Variants in AFF2 observed in about 807,000 individuals in gnomAD.
AFF2 encodes the protein ALF transcription elongation factor 2.
Under a neutral mutation model 76.9 loss-of-function variants are expected in AFF2, and 14 were observed. The ratio of observed to expected loss-of-function variants is 0.18; its 90% CI spans 0.12 to 0.28. The LOEUF is 0.28. Ranked by LOEUF, AFF2 falls within the 10% of genes least tolerant of loss-of-function variation. The pLI is 1.00. For synonymous variants in AFF2, 398 were observed against 366.7 expected (o/e 1.09, Z -0.98); for missense variants, 868 against 1,001.1 (o/e 0.87, Z 1.79).
intron 11 of AFF2, among the ~76,000 whole-genome samples, chrX:148,956,850 T>C (rs2072047863): frequency 8.8e-6 from 1 of 113,054 alleles, no homozygotes; most frequent in African/African-American, 3.2e-5. Context: ...TTATGATGTG[T>C]AGGAAAGAAA....
At chrX:148,708,456 A>T (rs2054914515) in intron 3 of AFF2, among the ~76,000 whole-genome samples, 1 of 112,160 alleles carries the variant, frequency 8.9e-6, no homozygotes, top group Non-Finnish European at 1.9e-5. Flanking sequence ...AGCAACAAAA[A>T]AATCCCCAGC....
At chrX:148,650,559 C>CA (rs2054193622) in intron 1 of AFF2, among the ~76,000 whole-genome samples, 1 of 112,030 alleles carries the variant, frequency 8.9e-6, no homozygotes. Context: ...GTGTAATGTG[C>CA]ATTTAAACAT....
At chrX:148,590,227 C>T (rs1231960236) in intron 1 of AFF2, among the ~76,000 whole-genome samples, 1 of 109,047 alleles carries the variant, frequency 9.2e-6, no homozygotes, top group Non-Finnish European at 1.9e-5. Flanking sequence ...CAGCCATTGG[C>T]TGTTAGAAAA....
chrX:148,904,773 C>T (rs1220391578), intron 9 of AFF2, among the ~76,000 whole-genome samples: 1 of 111,960 alleles, frequency 8.9e-6, no homozygotes, highest in Non-Finnish European at 1.9e-5. Flanking sequence ...TAACAGAAAG[C>T]AATTCCCAAG....
intron 1 of AFF2, among the ~76,000 whole-genome samples, chrX:148,521,949 A>G (rs782495139): frequency 8.9e-6 from 1 of 112,049 alleles, no homozygotes; most frequent in Non-Finnish European, 1.9e-5. Flanking sequence ...TACCATTGCC[A>G]GATTAGGGCA....
At chrX:148,922,516 C>T (rs966194568) in intron 9 of AFF2, among the ~76,000 whole-genome samples, 3 of 111,902 alleles carry the variant, frequency 2.7e-5, no homozygotes, top group Non-Finnish European at 5.6e-5. Flanking sequence ...AATGCAGCAC[C>T]ATTTGGTCTT....
intron 1 of AFF2, among the ~76,000 whole-genome samples, chrX:148,602,522 A>T (rs1437195879): frequency 9.0e-6 from 1 of 111,077 alleles, no homozygotes; most frequent in East Asian, 2.8e-4. Flanking sequence ...TTTCTAGGTG[A>T]GAGTTGATTC....
intron 3 of AFF2, among the ~76,000 whole-genome samples, chrX:148,689,644 T>C (rs1236640931): frequency 8.9e-6 from 1 of 111,905 alleles, no homozygotes; most frequent in Non-Finnish European, 1.9e-5. Flanking sequence ...TGAACAGATG[T>C]CTTTTGGTAA....
rs1241888791 is a variant in AFF2 at position 148,787,078 on chromosome X, A to G, written c.1042-22798A>G. ...TATTACTCAAATTTTTGCTGAGTAA[A>G]CTAACGAACAAATAATGTCTGTAGG... On this transcript the variant is annotated intron_variant, in intron 3 of 20. Transcript: ENST00000370460. Among the ~76,000 whole-genome samples, 3 of 112,680 alleles carry G rather than the reference A, an allele frequency of 2.7e-5. No individual in the cohort carries two copies. The East Asian group carries it at 8.3e-4, about 31-fold the overall frequency.
chrX:148,762,480 A>ATGTGTGTGTGTGTG (rs144985699), intron 3 of AFF2, among the ~76,000 whole-genome samples: 3 of 92,560 alleles, frequency 3.2e-5, no homozygotes, highest in Non-Finnish European at 6.2e-5. Flanking sequence ...ACATATGTAT[A>ATGTGTGTGTGTGTG]TGTGTGTGTG....
At chrX:148,962,290 T>C (rs1418421086) in intron 12 of AFF2, among the ~76,000 whole-genome samples, 3 of 112,630 alleles carry the variant, frequency 2.7e-5, no homozygotes, top group Non-Finnish European at 5.6e-5. Flanking sequence ...GTGCCATTTA[T>C]TGCATGATTG....
In AFF2 at chrX:148,995,182, C is replaced by G. The variant is rs41304960; in HGVS notation, c.*3850C>G. ...TGTTTCTCATTTTCACTCGCACGGC[C>G]TTATTCTCATAATTAAAATCTAATT... On this transcript the variant is annotated 3_prime_UTR_variant, in exon 21 of 21. Transcript: ENST00000370460. 814 of 110,685 alleles carry G rather than the reference C, an allele frequency of 7.4e-3. 3 individuals carry two copies. Among genetic ancestry groups the G allele is most frequent in the Non-Finnish European group, 0.011 (603 of 52,831 alleles). 9.1% of individuals were successfully genotyped at this position (110,685 alleles called of 1,213,427 possible). A position where few individuals can be genotyped will look rare whatever the true frequency, so the allele number is the denominator to read the frequency against.
chrX:148,854,191 C>T (rs181130830), intron 7 of AFF2, among the ~76,000 whole-genome samples: 243 of 111,788 alleles, frequency 2.2e-3, no homozygotes, highest in Non-Finnish European at 3.4e-3. Context: ...CTGCCATGAA[C>T]TTTGAAGAAA....
At chrX:148,816,811 C>T (rs1049802444) in intron 4 of AFF2, among the ~76,000 whole-genome samples, 1 of 109,251 alleles carries the variant, frequency 9.2e-6, no homozygotes, top group Non-Finnish European at 1.9e-5. Context: ...GGGCACACAG[C>T]CTTGTATTCC....
intron 3 of AFF2, among the ~76,000 whole-genome samples, chrX:148,731,889 A>T (rs1381390650): frequency 1.3e-5 from 1 of 74,705 alleles, no homozygotes. Flanking sequence ...ATCTCACACC[A>T]GTTAGAATGG....
In AFF2 at chrX:148,980,718, C is replaced by G; in HGVS notation, c.3571-20C>G. On this transcript the variant is annotated intron_variant, in intron 18 of 20. Coordinates refer to ENST00000370460, the MANE Select transcript of AFF2 (RefSeq NM_002025.4). ...AAAATAGATGTCCTTATTTCCCTTT[C>G]TCTTCTCTCTCTCTTTTAGCAAAAT... is the stretch of plus-strand genomic sequence containing the variant. 1 of 1,175,757 alleles carries G rather than the reference C, an allele frequency of 8.5e-7. No homozygotes were observed. Among genetic ancestry groups the G allele is most frequent in the Non-Finnish European group, 1.2e-6 (1 of 866,991 alleles).
chrX:148,907,521 C>T (rs1050194066), intron 9 of AFF2, among the ~76,000 whole-genome samples: 60 of 110,928 alleles, frequency 5.4e-4, no homozygotes, highest in African/African-American at 1.8e-3. Context: ...GCTGGGTGTC[C>T]GGGGGGGACA....
chrX:148,589,006 G>A (rs1449645122), intron 1 of AFF2, among the ~76,000 whole-genome samples: 5 of 110,042 alleles, frequency 4.5e-5, no homozygotes, highest in African/African-American at 1.7e-4. Context: ...ATTTGCAGCA[G>A]GGGAGTTGGA....
At chrX:148,789,966 A>G (rs1390210139) in intron 3 of AFF2, among the ~76,000 whole-genome samples, 2 of 110,985 alleles carry the variant, frequency 1.8e-5, no homozygotes, top group Admixed American at 9.6e-5. Context: ...GCTCTTTATT[A>G]TGGGTCACCC....
Sources: gnomAD v4.1 joint callset for allele counts (sites outside exome capture counted in the v4.1 genomes callset) on GRCh38, gnomAD v4.1.1 for gene constraint, MANE v1.5 for transcripts, NCBI Gene and HGNC (gene_info 2026-07-23, HGNC 2026-07-21) for gene names.